LRRTM4: variants seen among roughly 807,000 people sequenced by gnomAD.
The protein encoded by LRRTM4 is leucine rich repeat transmembrane neuronal 4.
Under a neutral mutation model 47.6 loss-of-function variants are expected in LRRTM4, and 25 were observed. That is an observed-to-expected ratio of 0.53 (90% CI 0.38 to 0.73). The LOEUF (loss-of-function observed/expected upper bound fraction) is 0.73, where lower values mean the gene tolerates loss of function less well. Ranked by LOEUF, LRRTM4 falls within the 30% of genes least tolerant of loss-of-function variation. The pLI, the probability that LRRTM4 is intolerant of heterozygous loss-of-function variation, is 0.00. For missense variants in LRRTM4, 638 were observed against 713.4 expected, an observed-to-expected ratio of 0.89 and a Z score of 1.20; for synonymous variants, 311 against 269.5, an observed-to-expected ratio of 1.15 and a Z score of -1.51.
intron 3 of LRRTM4, among the ~76,000 whole-genome samples, chr2:76,753,877 C>A (rs1398867943): frequency 4.6e-5 from 7 of 152,098 alleles, no homozygotes; most frequent in Non-Finnish European, 1.0e-4. Context: ...GATATTGTGA[C>A]CCTCTTTTCT....
Position 77,522,337 on chromosome 2 carries a change from C to G in LRRTM4, c.-376G>C. On this transcript the variant is annotated 5_prime_UTR_variant, in exon 1 of 4. Coordinates refer to ENST00000409884, the MANE Select transcript of LRRTM4 (RefSeq NM_001134745.3). Reference sequence around the variant, plus strand: ...AGGCTTTCCAGAGACTGATGATGCTCAGAGCTTGTTGGTGCTAATGCTTGA... The same window carrying G: ...AGGCTTTCCAGAGACTGATGATGCTGAGAGCTTGTTGGTGCTAATGCTTGA... 1 of 488,954 alleles carries G rather than the reference C, an allele frequency of 2.0e-6. No homozygotes were observed. Among genetic ancestry groups the G allele is most frequent in the South Asian group, 3.1e-5 (1 of 32,090 alleles). The allele number at this position is 488,954 out of a possible 1,614,324, so 30.3% of individuals were successfully genotyped here. A position where few individuals can be genotyped will look rare whatever the true frequency, so the allele number is the denominator to read the frequency against.
At chr2:76,906,708 T>C (rs1221349271) in intron 3 of LRRTM4, among the ~76,000 whole-genome samples, 2 of 151,512 alleles carry the variant, frequency 1.3e-5, no homozygotes, top group Admixed American at 6.6e-5. Context: ...TAGTCTCTGA[T>C]AAAACAGACT....
intron 3 of LRRTM4, among the ~76,000 whole-genome samples, chr2:76,932,038 G>A (rs752165667): frequency 1.3e-5 from 2 of 152,066 alleles, no homozygotes; most frequent in African/African-American, 2.4e-5. Context: ...TGATGACTTC[G>A]ATCAGTAACT....
At chr2:76,973,842 C>T (rs2103947258) in intron 3 of LRRTM4, among the ~76,000 whole-genome samples, 1 of 151,884 alleles carries the variant, frequency 6.6e-6, no homozygotes, top group Admixed American at 6.6e-5. Context: ...GTCATTTATT[C>T]TGTTACTAAT....
At position 77,302,309 on chromosome 2, in the gene LRRTM4, T is replaced by C. The variant is rs143267453; in HGVS notation, c.1551+216009A>G. Among the ~76,000 whole-genome samples, 177 of 152,366 alleles carry C rather than the reference T, an allele frequency of 1.2e-3. 1 individual carries two copies. The highest frequency in any genetic ancestry group is 1.9e-3 in the Non-Finnish European group (130 of 68,026). On this transcript the variant is annotated intron_variant, in intron 3 of 3. Coordinates refer to ENST00000409884, the MANE Select transcript of LRRTM4 (RefSeq NM_001134745.3). The stretch of plus-strand genomic sequence containing the variant: ...TATCAGTTCCAGGCCTTTTTATTTA[T>C]TTCAAGAAATAGTAAATAGATCTAC...
rs543686035 is a variant in LRRTM4 at position 76,780,950 on chromosome 2, C to G, written c.1552-32034G>C. Reference sequence around the variant, plus strand: ...CAGATGGGTTTGTGGTGTGGATGTCCTTTCTGTTTGTTAGTTTTCCTTCTA... The same window carrying G: ...CAGATGGGTTTGTGGTGTGGATGTCGTTTCTGTTTGTTAGTTTTCCTTCTA... On this transcript the variant is annotated intron_variant, in intron 3 of 3. Transcript: ENST00000409884. Among the ~76,000 whole-genome samples the G allele has an allele frequency of 2.6e-5, 4 of 152,312 alleles. No homozygotes were observed. The East Asian group carries it at 7.7e-4, about 29-fold the overall frequency.
intron 3 of LRRTM4, among the ~76,000 whole-genome samples, chr2:77,206,491 A>G (rs1229646690): frequency 6.6e-6 from 1 of 151,120 alleles, no homozygotes; most frequent in Admixed American, 6.6e-5. Context: ...TGCCTCAAAA[A>G]AGATTTTTTT....
intron 3 of LRRTM4, among the ~76,000 whole-genome samples, chr2:77,484,986 A>G (rs1246944563): frequency 6.6e-6 from 1 of 152,150 alleles, no homozygotes; most frequent in East Asian, 1.9e-4. Flanking sequence ...CAAGTTTTAC[A>G]AGTGCTTAAT....
intron 3 of LRRTM4, among the ~76,000 whole-genome samples, chr2:76,883,756 T>G (rs923683743): frequency 6.6e-6 from 1 of 152,200 alleles, no homozygotes; most frequent in Non-Finnish European, 1.5e-5. Flanking sequence ...TCAGCTTTCA[T>G]GATCTGGGAG....
At chr2:77,105,146 G>A (rs576947331) in intron 3 of LRRTM4, among the ~76,000 whole-genome samples, 3 of 152,136 alleles carry the variant, frequency 2.0e-5, no homozygotes, top group Admixed American at 6.5e-5. Flanking sequence ...CCCAATATGT[G>A]AATATTATTT....
At chr2:77,194,166 C>T (rs544535325) in intron 3 of LRRTM4, among the ~76,000 whole-genome samples, 50 of 152,142 alleles carry the variant, frequency 3.3e-4, no homozygotes, top group African/African-American at 1.2e-3. Flanking sequence ...AGAGAGGAGC[C>T]AGTCTAAGAA....
chr2:77,392,205 A>G (rs900147493), intron 3 of LRRTM4, among the ~76,000 whole-genome samples: 6 of 151,928 alleles, frequency 3.9e-5, no homozygotes, highest in Admixed American at 6.6e-5. Context: ...GCTGTTTTCA[A>G]CTCTTCAGGT....
At chr2:76,833,690 G>A (rs1031421577) in intron 3 of LRRTM4, among the ~76,000 whole-genome samples, 9 of 151,624 alleles carry the variant, frequency 5.9e-5, no homozygotes, top group African/African-American at 2.2e-4. Flanking sequence ...ACTTCATTAT[G>A]ACTTCCTAAA....
intron 3 of LRRTM4, among the ~76,000 whole-genome samples, chr2:76,838,114 GAAGAA>G (rs1671570635): frequency 3.0e-5 from 2 of 66,442 alleles, no homozygotes; most frequent in Non-Finnish European, 6.3e-5. Flanking sequence ...AAGAATGGAA[GAAGAA>G]GAAAAAATTG....
chr2:76,945,432 T>C (rs998007232), intron 3 of LRRTM4, among the ~76,000 whole-genome samples: 5 of 152,062 alleles, frequency 3.3e-5, no homozygotes, highest in Non-Finnish European at 7.4e-5. Flanking sequence ...CATGGGGCAA[T>C]ATTGGTGAAA....
Position 76,748,657 on chromosome 2 carries a change from C to G in LRRTM4, c.*38G>C, listed in dbSNP as rs1284804659. Reference sequence around the variant, plus strand: ...CCTTTAAGATGAAGGCCCTCCCTCCCCCCCATGGAGCTCCCCAGTGAGGAG... The same window carrying G: ...CCTTTAAGATGAAGGCCCTCCCTCCGCCCCATGGAGCTCCCCAGTGAGGAG... On this transcript the variant is annotated 3_prime_UTR_variant, in exon 4 of 4. Transcript: ENST00000409884. The G allele has an allele frequency of 2.1e-6, 3 of 1,403,738 alleles. No individual in the cohort carries two copies. Among genetic ancestry groups the G allele is most frequent in the African/African-American group, 2.8e-5 (2 of 71,066 alleles). 87.0% of individuals were successfully genotyped at this position (1,403,738 alleles called of 1,614,324 possible).
intron 3 of LRRTM4, among the ~76,000 whole-genome samples, chr2:77,179,157 A>G (rs986273129): frequency 6.6e-6 from 1 of 152,182 alleles, no homozygotes; most frequent in African/African-American, 2.4e-5. Context: ...CAGGAAATCT[A>G]TGGATGCCCC....
chr2:77,284,389 A>G (rs181180505), intron 3 of LRRTM4, among the ~76,000 whole-genome samples: 36 of 152,230 alleles, frequency 2.4e-4, no homozygotes, highest in African/African-American at 8.7e-4. Context: ...ATTACATTTT[A>G]TTTCACAAGT....
intron 3 of LRRTM4, among the ~76,000 whole-genome samples, chr2:76,801,824 A>G (rs148092663): frequency 0.014 from 2,062 of 152,322 alleles, 121 homozygotes; most frequent in Admixed American, 0.1. Context: ...CAACATACCA[A>G]AATGTATAAA....
Sources: gnomAD v4.1 joint callset for allele counts (sites outside exome capture counted in the v4.1 genomes callset) on GRCh38, gnomAD v4.1.1 for gene constraint, MANE v1.5 for transcripts, NCBI Gene and HGNC (gene_info 2026-07-23, HGNC 2026-07-21) for gene names.